The following FGFR4 variants were observed in gnomAD, a reference collection of about 807,000 sequenced individuals.
FGFR4 encodes the protein fibroblast growth factor receptor 4.
Under a neutral mutation model 89.9 loss-of-function variants are expected in FGFR4, and 63 were observed. The observed-to-expected ratio is 0.70, with a 90% CI of 0.57 to 0.86. The LOEUF is 0.86. Among genes scored for constraint, FGFR4 ranks in the 40% least tolerant of loss-of-function variants. The pLI, the probability that FGFR4 is intolerant of heterozygous loss-of-function variation, is 0.00. For missense variants in FGFR4, 928 were observed against 1,106.7 expected (o/e 0.84, Z 2.29); for synonymous variants, 486 against 479.4 (o/e 1.01, Z -0.18).
Position 177,087,708 on chromosome 5 carries a change from G to A in FGFR4, c.-54+631G>A. On this transcript the variant is annotated intron_variant, in intron 1 of 17. Transcript: ENST00000292408. The surrounding 1 kb of genome is among the most constrained non-coding windows in gnomAD (Gnocchi z 6.1). ...GTGTACCCAAAGAGCTGCCCTCCCT[G>A]CCAAGCCGAGCTTGGTAGGGAGTTT... 2 of 911,564 alleles carry A rather than the reference G, an allele frequency of 2.2e-6. No homozygotes were observed. The highest frequency in any genetic ancestry group is 2.6e-6 in the Non-Finnish European group (2 of 762,614). The allele number at this position is 911,564 out of a possible 1,614,324, so 56.5% of individuals were successfully genotyped here.
At position 177,087,630 on chromosome 5, in the gene FGFR4, C is replaced by G. The variant is rs1330519870; in HGVS notation, c.-54+553C>G. On this transcript the variant is annotated intron_variant, in intron 1 of 17. Coordinates refer to ENST00000292408, the MANE Select transcript of FGFR4 (RefSeq NM_213647.3). The surrounding 1 kb of genome is among the most constrained non-coding windows in gnomAD (Gnocchi z 6.1). Reference sequence around the variant, plus strand: ...ACTAAGGACTCTGATATCAGGGCAGCCTGGGGTAGGAATAAACTCCCCGGG... The same window carrying G: ...ACTAAGGACTCTGATATCAGGGCAGGCTGGGGTAGGAATAAACTCCCCGGG... 2 of 985,254 alleles carry G rather than the reference C, an allele frequency of 2.0e-6. No homozygotes were observed. Among genetic ancestry groups the G allele is most frequent in the African/African-American group, 3.5e-5 (2 of 57,208 alleles). The allele number at this position is 985,254 out of a possible 1,614,324, so 61.0% of individuals were successfully genotyped here.
At position 177,096,060 on chromosome 5, in the gene FGFR4, A is replaced by G. The variant is rs1562075890; in HGVS notation, c.1825A>G (p.Ile609Val). Residue 609 changes from isoleucine to valine, a missense_variant, in exon 14 of 18, where the codon ATC becomes GTC. Physicochemically the swap from Ile to Val is conservative, Grantham distance 29. Around this residue, in one of 5 missense-constraint regions of FGFR4, gnomAD observed 11 missense variants for 37.2 expected, o/e 0.30. Coordinates refer to ENST00000292408, the MANE Select transcript of FGFR4 (RefSeq NM_213647.3). ...GMQYLESRKC[I>V]HRDLAARNVL... ...CCCAAGCCCCCGCTCCCTGCAGTGT[A>G]TCCACCGGGACCTGGCTGCCCGCAA... The G allele has an allele frequency of 6.2e-7, 1 of 1,613,476 alleles. No homozygotes were observed. The highest frequency in any genetic ancestry group is 8.5e-7 in the Non-Finnish European group (1 of 1,179,842).
rs116920044 is a variant in FGFR4 at position 177,090,691 on chromosome 5, G to A, written c.355+38G>A. ...AGCAGGGAGTGAAGGGATGCCTGGG[G>A]AGACAGACCTGCCCCTCTTGGACCT... On this transcript the variant is annotated intron_variant, in intron 3 of 17. Coordinates refer to ENST00000292408, the MANE Select transcript of FGFR4 (RefSeq NM_213647.3). The A allele has an allele frequency of 4.3e-5, 66 of 1,541,544 alleles. No homozygotes were observed. In the East Asian group the frequency reaches 9.5e-4, roughly 22 times the overall value.
chr5:177,096,452 CT>C, intron 15 of FGFR4, 95 bp downstream of exon 15: 1 of 1,553,258 alleles, frequency 6.4e-7, no homozygotes, highest in Non-Finnish European at 8.8e-7. Flanking sequence ...TCGAGGGCTC[CT>C]TCAGATTTGG....
chr5:177,097,521 C>G lies in FGFR4; in HGVS notation c.2260-6C>G. The G allele has an allele frequency of 5.0e-6, 8 of 1,612,196 alleles. No homozygotes were observed. The highest frequency in any genetic ancestry group is 6.8e-6 in the Non-Finnish European group (8 of 1,179,052). ...TGCAGAGGCTGACCAGCTCCGTTCC[C>G]CACAGTACCTCGACCTCCGCCTGAC... On this transcript the variant is annotated splice_polypyrimidine_tract_variant and splice_region_variant and intron_variant, in intron 17 of 17. Transcript: ENST00000292408.
intron 17 of FGFR4, 34 bp from the exon 18 acceptor site, chr5:177,097,493 C>G: frequency 6.2e-7 from 1 of 1,604,264 alleles, no homozygotes; most frequent in Non-Finnish European, 8.5e-7. Context: ...CCATCCCGGG[C>G]GCTGCAGAGG....
At position 177,095,367 on chromosome 5, in the gene FGFR4, G is replaced by A. The variant is rs767977023; in HGVS notation, c.1557G>A (p.Ser519=). 8.0e-5 allele frequency: 129 copies of A among 1,614,076 alleles called. No individual in the cohort carries two copies. The highest frequency in any genetic ancestry group is 1.1e-4 in the African/African-American group (8 of 74,924). ...ACAAGGACCTGGCCGACCTGGTCTCGGAGATGGAGGTGATGAAGCTGATCG... is the reference window on the plus strand; with the variant it reads ...ACAAGGACCTGGCCGACCTGGTCTCAGAGATGGAGGTGATGAAGCTGATCG... ...ASDKDLADLV[S]EMEVMKLIGR... The change falls in exon 12 of 18, where the codon TCG becomes TCA. Residue 519 remains serine (S), a synonymous_variant. Coordinates refer to ENST00000292408, the MANE Select transcript of FGFR4 (RefSeq NM_213647.3). The surrounding 1 kb of genome is among the most constrained non-coding windows in gnomAD (Gnocchi z 5.7).
Position 177,095,259 on chromosome 5 carries a change from T to G in FGFR4, c.1520-71T>G. 1 of 1,288,494 alleles carries G rather than the reference T, an allele frequency of 7.8e-7. No homozygotes were observed. The highest frequency in any genetic ancestry group is 2.3e-5 in the East Asian group (1 of 43,120). The allele number at this position is 1,288,494 out of a possible 1,614,324, so 79.8% of individuals were successfully genotyped here. ...AGCCCTGGTCCAGTGCTGCTTGTCC[T>G]GCACCTGCCTCTGCATGCTCCCTCG... On this transcript the variant is annotated intron_variant, in intron 11 of 17. Coordinates refer to ENST00000292408, the MANE Select transcript of FGFR4 (RefSeq NM_213647.3). This position sits in a 1 kb window ranked among gnomAD's most constrained non-coding sequence, Gnocchi z 5.7.
intron 15 of FGFR4, 37 bp from the exon 16 acceptor site, chr5:177,096,567 G>A (rs1488062436): frequency 3.1e-6 from 5 of 1,610,224 alleles, no homozygotes; most frequent in Non-Finnish European, 4.2e-6. Flanking sequence ...TCGTCGGGAG[G>A]GCGCTGAGCC....
At position 177,093,191 on chromosome 5, in the gene FGFR4, A is replaced by G; in HGVS notation, c.1111A>G (p.Ile371Val). Residue 371 changes from isoleucine (I) to valine (V), a missense_variant, in exon 9 of 18, where the codon ATC becomes GTC. Around this residue, in one of 5 missense-constraint regions of FGFR4, gnomAD observed 741 missense variants for 836.9 expected, o/e 0.89. Coordinates refer to ENST00000292408, the MANE Select transcript of FGFR4 (RefSeq NM_213647.3). This position sits in a 1 kb window ranked among gnomAD's most constrained non-coding sequence, Gnocchi z 5.8. ...AAPEARYTDIILYASGSLALA... is the reference protein window; with the variant it reads ...AAPEARYTDIVLYASGSLALA... Reference sequence around the variant, plus strand: ...GCCCGAGGCCAGGTATACGGACATCATCCTGTACGCGTCGGGCTCCCTGGC... The same window carrying G: ...GCCCGAGGCCAGGTATACGGACATCGTCCTGTACGCGTCGGGCTCCCTGGC... 1 of 1,613,464 alleles carries G rather than the reference A, an allele frequency of 6.2e-7. No homozygotes were observed. The highest frequency in any genetic ancestry group is 8.5e-7 in the Non-Finnish European group (1 of 1,179,490).
In FGFR4 at chr5:177,093,801, C is replaced by T; in HGVS notation, c.1519+26C>T. The T allele has an allele frequency of 6.2e-7, 1 of 1,601,280 alleles. No individual in the cohort carries two copies. The highest frequency in any genetic ancestry group is 8.5e-7 in the Non-Finnish European group (1 of 1,171,890). On this transcript the variant is annotated intron_variant, in intron 11 of 17. Coordinates refer to ENST00000292408, the MANE Select transcript of FGFR4 (RefSeq NM_213647.3). This position sits in a 1 kb window ranked among gnomAD's most constrained non-coding sequence, Gnocchi z 5.8. The stretch of plus-strand genomic sequence containing the variant: ...GTGAGTGTGGCCCGGTGTGGTGGCT[C>T]ACACCTGTAACGCCAGCACTTTAGG...
chr5:177,096,512 A>G, intron 15 of FGFR4, 92 bp from the exon 16 acceptor site: 1 of 1,550,506 alleles, frequency 6.4e-7, no homozygotes, highest in Admixed American at 1.8e-5. Context: ...ATTCCCCAAC[A>G]GCTGTGGTGG....
In FGFR4 at chr5:177,097,386, G is replaced by A. The variant is rs143758924; in HGVS notation, c.2248G>A (p.Val750Ile). The A allele has an allele frequency of 3.0e-5, 49 of 1,611,628 alleles. No individual in the cohort carries two copies. The highest frequency in any genetic ancestry group is 1.2e-4 in the South Asian group (11 of 90,746). The change falls in exon 17 of 18, where the codon GTC becomes ATC. Residue 750 changes from valine (V) to isoleucine (I), a missense_variant. Around this residue, in one of 5 missense-constraint regions of FGFR4, gnomAD observed 129 missense variants for 150.8 expected, o/e 0.86. Coordinates refer to ENST00000292408, the MANE Select transcript of FGFR4 (RefSeq NM_213647.3). ...VEALDKVLLA[V>I]SEEYLDLRLT... ...GGCGCTGGACAAGGTCCTGCTGGCCGTCTCTGAGGAGGTACAGCCCCTCCC... is the reference window on the plus strand; with the variant it reads ...GGCGCTGGACAAGGTCCTGCTGGCCATCTCTGAGGAGGTACAGCCCCTCCC...
Position 177,095,081 on chromosome 5 carries a change from G to A in FGFR4, c.1520-249G>A, listed in dbSNP as rs1389362459. The stretch of plus-strand genomic sequence containing the variant: ...TGCCCGCTGGAAGGCCTGCCTCTTA[G>A]ATCCTTGATACAGTTGCATCCTTGC... On this transcript the variant is annotated intron_variant, in intron 11 of 17. Coordinates refer to ENST00000292408, the MANE Select transcript of FGFR4 (RefSeq NM_213647.3). This position sits in a 1 kb window ranked among gnomAD's most constrained non-coding sequence, Gnocchi z 5.7. 2.0e-6 allele frequency: 1 copy of A among 500,296 alleles called. No individual in the cohort carries two copies. The highest frequency in any genetic ancestry group is 3.7e-6 in the Non-Finnish European group (1 of 272,852). The allele number at this position is 500,296 out of a possible 1,614,324, so 31.0% of individuals were successfully genotyped here.
At position 177,090,513 on chromosome 5, in the gene FGFR4, G is replaced by A. The variant is rs373397427; in HGVS notation, c.215G>A (p.Arg72His). Residue 72 changes from arginine (R) to histidine (H), a missense_variant, in exon 3 of 18, where the codon CGC becomes CAC. Physicochemically the swap from Arg to His is conservative, Grantham distance 29. Transcript: ENST00000292408. ...RGGHWYKEGS[R>H]LAPAGRVRGW... ...GGCCACTGGTACAAGGAGGGCAGTCGCCTGGCACCTGCTGGCCGTGTACGG... is the reference window on the plus strand; with the variant it reads ...GGCCACTGGTACAAGGAGGGCAGTCACCTGGCACCTGCTGGCCGTGTACGG... 1.9e-6 allele frequency: 3 copies of A among 1,564,480 alleles called. No individual in the cohort carries two copies. Among genetic ancestry groups the A allele is most frequent in the East Asian group, 2.2e-5 (1 of 44,486 alleles).
Position 177,095,473 on chromosome 5 carries a change from G to A in FGFR4, c.1630+33G>A, listed in dbSNP as rs767577396. The A allele has an allele frequency of 3.5e-5, 56 of 1,613,404 alleles. No homozygotes were observed. Among genetic ancestry groups the A allele is most frequent in the East Asian group, 2.5e-4 (11 of 44,878 alleles). ...CGAGGCGGGGCTGGCTGCACGGGCC[G>A]TTAGGGTGCAGAGCCAAAGCTTTGG... On this transcript the variant is annotated intron_variant, in intron 12 of 17. Coordinates refer to ENST00000292408, the MANE Select transcript of FGFR4 (RefSeq NM_213647.3). This position sits in a 1 kb window ranked among gnomAD's most constrained non-coding sequence, Gnocchi z 5.7.
At position 177,097,769 on chromosome 5, in the gene FGFR4, G is replaced by A; in HGVS notation, c.*93G>A. 1 of 1,485,510 alleles carries A rather than the reference G, an allele frequency of 6.7e-7. No homozygotes were observed. The highest frequency in any genetic ancestry group is 2.2e-5 in the Admixed American group (1 of 45,506). 92.0% of individuals were successfully genotyped at this position (1,485,510 alleles called of 1,614,324 possible). On this transcript the variant is annotated 3_prime_UTR_variant, in exon 18 of 18. Transcript: ENST00000292408. ...ACACAGTGCTCGACCTTGATAGCAT[G>A]GGGCCCCTGGCCCAGAGTTGCTGTG...
Position 177,097,510 on chromosome 5 carries a change from A to C in FGFR4, c.2260-17A>C, listed in dbSNP as rs373549463. The stretch of plus-strand genomic sequence containing the variant: ...ATCCCGGGCGCTGCAGAGGCTGACC[A>C]GCTCCGTTCCCCACAGTACCTCGAC... On this transcript the variant is annotated splice_polypyrimidine_tract_variant and intron_variant, in intron 17 of 17. Coordinates refer to ENST00000292408, the MANE Select transcript of FGFR4 (RefSeq NM_213647.3). 3 of 1,608,114 alleles carry C rather than the reference A, an allele frequency of 1.9e-6. No individual in the cohort carries two copies. The African/African-American group carries it at 4.0e-5, about 22-fold the overall frequency.
chr5:177,090,473 C>T lies in FGFR4; in HGVS notation c.175C>T (p.Arg59Trp), dbSNP rs200344385. 4.3e-5 allele frequency: 68 copies of T among 1,594,362 alleles called. No homozygotes were observed. Among genetic ancestry groups the T allele is most frequent in the East Asian group, 3.6e-4 (16 of 44,704 alleles). The change falls in exon 3 of 18, where the codon CGG becomes TGG. Residue 59 changes from arginine (R) to tryptophan (W), a missense_variant. By Grantham distance (101) the Arg-to-Trp change is moderately radical (BLOSUM62 -3). Around this residue, in one of 5 missense-constraint regions of FGFR4, gnomAD observed 741 missense variants for 836.9 expected, o/e 0.89. Transcript: ENST00000292408. ...GCAGCCTGTGCGTCTGTGCTGTGGG[C>T]GGGCTGAGCGTGGTGGCCACTGGTA... ...LGQPVRLCCGRAERGGHWYKE... is the reference protein window; with the variant it reads ...LGQPVRLCCGWAERGGHWYKE...
Sources: gnomAD v4.1 joint callset for allele counts on GRCh38, gnomAD v4.1.1 for gene constraint, gnomAD v4.1.1 regional missense constraint, Gnocchi (gnomAD v3.1) non-coding constraint, MANE v1.5 for transcripts, NCBI Gene and HGNC (gene_info 2026-07-23, HGNC 2026-07-21) for gene names.